Variants in OR2L13 observed in about 807,000 individuals in gnomAD.
OR2L13 encodes olfactory receptor 2L13.
In OR2L13, 14 loss-of-function variants were observed where a neutral mutation model predicts 15.3. The ratio of observed to expected loss-of-function variants is 0.91; its 90% CI spans 0.60 to 1.43. The LOEUF (loss-of-function observed/expected upper bound fraction) is 1.43. OR2L13 is among the 40% of genes most tolerant of loss of function. The pLI is 0.00. For missense variants in OR2L13, 367 were observed against 387.9 expected, an observed-to-expected ratio of 0.95 and a Z score of 0.45; for synonymous variants, 152 against 142.9, an observed-to-expected ratio of 1.06 and a Z score of -0.45.
chr1:247,990,912 T>C, the OR2L13 span: 2 of 1,480,976 alleles, frequency 1.4e-6, no homozygotes, highest in Admixed American at 1.7e-5. Context: ...GTATTGCATG[T>C]TCCTATGGCC....
the OR2L13 span, among the ~76,000 whole-genome samples, chr1:247,941,396 A>G: frequency 6.6e-6 from 1 of 152,200 alleles, no homozygotes; most frequent in East Asian, 1.9e-4. Context: ...AGATATATAA[A>G]GAATGGTGAA....
chr1:247,990,497 T>C, the OR2L13 span: 3 of 1,574,764 alleles, frequency 1.9e-6, no homozygotes, highest in Admixed American at 1.7e-5. Context: ...CCACCATTGT[T>C]CCTAAGATGG....
the OR2L13 span, among the ~76,000 whole-genome samples, chr1:248,075,241 A>G: frequency 4.6e-5 from 7 of 152,310 alleles, no homozygotes; most frequent in East Asian, 5.8e-4. Flanking sequence ...CATGGTGTAT[A>G]TGTGCCACAT....
At chr1:247,959,204 C>G in the OR2L13 span, among the ~76,000 whole-genome samples, 1 of 151,894 alleles carries the variant, frequency 6.6e-6, no homozygotes, top group East Asian at 1.9e-4. Flanking sequence ...ACTTATGAAG[C>G]TTAGTTTGGC....
chr1:247,953,718 C>A, the OR2L13 span, among the ~76,000 whole-genome samples: 1 of 152,134 alleles, frequency 6.6e-6, no homozygotes, highest in Non-Finnish European at 1.5e-5. Context: ...TCTAAAGATT[C>A]CTCCAGGAGT....
At chr1:248,052,320 G>C in the OR2L13 span, among the ~76,000 whole-genome samples, 1 of 152,046 alleles carries the variant, frequency 6.6e-6, no homozygotes, top group Non-Finnish European at 1.5e-5. Context: ...TTTGAAAAAA[G>C]GTTACCATGT....
At chr1:247,945,518 A>G in the OR2L13 span, among the ~76,000 whole-genome samples, 30 of 152,132 alleles carry the variant, frequency 2.0e-4, no homozygotes, top group African/African-American at 6.5e-4. Context: ...TATCAGGTCC[A>G]CTTGGTCTAG....
upstream of OR2L13, among the ~76,000 whole-genome samples, chr1:248,095,960 C>T (rs1185613659): frequency 6.6e-6 from 1 of 151,924 alleles, no homozygotes; most frequent in Non-Finnish European, 1.5e-5. Flanking sequence ...CAAAGTGAGT[C>T]ATAGTAATAT....
At chr1:248,054,993 G>A in the OR2L13 span, among the ~76,000 whole-genome samples, 1 of 152,156 alleles carries the variant, frequency 6.6e-6, no homozygotes, top group Non-Finnish European at 1.5e-5. Flanking sequence ...AGAGTCATGA[G>A]AGATTGCATC....
the OR2L13 span, among the ~76,000 whole-genome samples, chr1:247,976,677 C>T: frequency 4.8e-4 from 73 of 152,212 alleles, no homozygotes; most frequent in East Asian, 0.013. Context: ...TGAAAAGTTC[C>T]TAGAACTATC....
the OR2L13 span, among the ~76,000 whole-genome samples, chr1:248,059,271 G>A: frequency 6.6e-6 from 1 of 152,124 alleles, no homozygotes; most frequent in Non-Finnish European, 1.5e-5. Flanking sequence ...GTTCTTTTAG[G>A]CATACTGTGC....
At chr1:248,033,952 TTATAA>T in the OR2L13 span, among the ~76,000 whole-genome samples, 1 of 152,154 alleles carries the variant, frequency 6.6e-6, no homozygotes, top group Non-Finnish European at 1.5e-5. Flanking sequence ...CCCTCTTTGC[TTATAA>T]TATGATTGTT....
chr1:248,067,652 T>C, the OR2L13 span, among the ~76,000 whole-genome samples: 5 of 152,142 alleles, frequency 3.3e-5, no homozygotes, highest in African/African-American at 9.7e-5. Context: ...CACAGGACAG[T>C]GGGTGCAGCG....
chr1:248,006,753 G>A, the OR2L13 span, among the ~76,000 whole-genome samples: 1 of 152,090 alleles, frequency 6.6e-6, no homozygotes, highest in Non-Finnish European at 1.5e-5. Flanking sequence ...GCTTGAGAGA[G>A]CTTGTTTGTG....
chr1:247,965,567 G>A, the OR2L13 span: 1 of 1,604,932 alleles, frequency 6.2e-7, no homozygotes, highest in African/African-American at 1.3e-5. Context: ...TTTCTGCTCA[G>A]TCAGCTCTCC....
the OR2L13 span, among the ~76,000 whole-genome samples, chr1:247,986,703 G>A: frequency 2.0e-5 from 3 of 151,652 alleles, no homozygotes; most frequent in Non-Finnish European, 2.9e-5. Flanking sequence ...TACCTTGGGG[G>A]TTATGGCCAT....
chr1:248,039,831 GTCT>G, the OR2L13 span: 18 of 152,232 alleles, frequency 1.2e-4, no homozygotes, highest in African/African-American at 3.4e-4. Context: ...TGGTATGTAT[GTCT>G]TCTTCTTTTT....
the OR2L13 span, among the ~76,000 whole-genome samples, chr1:248,044,809 CAAAAAA>C: frequency 1.2e-4 from 1 of 8,130 alleles, no homozygotes; most frequent in Non-Finnish European, 1.7e-4. Flanking sequence ...AACTCCGTCT[CAAAAAA>C]AAAAAAAAAA....
the OR2L13 span, chr1:248,084,658 G>A: frequency 6.6e-7 from 1 of 1,521,588 alleles, no homozygotes; most frequent in African/African-American, 1.4e-5. Flanking sequence ...TTTATCATCT[G>A]AATAACGAGC....
Sources: gnomAD v4.1 joint callset for allele counts (sites outside exome capture counted in the v4.1 genomes callset) on GRCh38, gnomAD v4.1.1 for gene constraint, MANE v1.5 for transcripts, NCBI Gene and HGNC (gene_info 2026-07-23, HGNC 2026-07-21) for gene names.